FBP1: variants seen among roughly 807,000 people sequenced by gnomAD.
The protein encoded by FBP1 is fructose-bisphosphatase 1, also known as fructose-1,6-bisphosphatase 1.
FBP1 carries 22 observed loss-of-function variants against 29.9 expected under a neutral mutation model. The observed-to-expected ratio is 0.74, with a 90% confidence interval of 0.53 to 1.05. FBP1 has a LOEUF of 1.05. FBP1 is among the 50% of genes least tolerant of loss of function. The probability of loss-of-function intolerance (pLI) is 0.00; values close to 1 mark genes in which losing one functional copy is unlikely to be tolerated. For missense variants in FBP1, 345 were observed against 448.2 expected (o/e 0.77, Z 2.08); for synonymous variants, 175 against 178.6 (o/e 0.98, Z 0.16).
At chr9:94,603,609 A>G (rs781463220) in intron 6 of FBP1, 37 bp from the exon 7 acceptor site, 2 of 1,592,566 alleles carry the variant, frequency 1.3e-6, no homozygotes, top group Non-Finnish European at 1.7e-6. Flanking sequence ...TCCTTGTATC[A>G]GAAGGTATTG....
intron 1 of FBP1, 37 bp downstream of exon 1, chr9:94,639,104 A>C: frequency 6.4e-7 from 1 of 1,565,302 alleles, no homozygotes. Context: ...CCAGGCAGAC[A>C]GACAGGACGG....
intron 1 of FBP1, among the ~76,000 whole-genome samples, chr9:94,630,596 C>T (rs1292273611): frequency 6.6e-6 from 1 of 152,162 alleles, no homozygotes; most frequent in Non-Finnish European, 1.5e-5. Flanking sequence ...GCTTCATAGT[C>T]TACAGAGAGG....
chr9:94,613,189 T>A (rs1827810656), intron 3 of FBP1, among the ~76,000 whole-genome samples: 1 of 152,012 alleles, frequency 6.6e-6, no homozygotes, highest in Non-Finnish European at 1.5e-5. Flanking sequence ...GTAAAGGACA[T>A]TGCAAGTTAG....
intron 1 of FBP1, among the ~76,000 whole-genome samples, chr9:94,627,816 G>A (rs4129220): frequency 0.36 from 55,160 of 152,040 alleles, 10,186 homozygotes; most frequent in Admixed American, 0.42. Context: ...ACCATCACAC[G>A]ACCCTGTCCA....
intron 1 of FBP1, among the ~76,000 whole-genome samples, chr9:94,621,407 A>AT (rs2131491076): frequency 7.0e-6 from 1 of 143,536 alleles, no homozygotes; most frequent in African/African-American, 2.9e-5. Flanking sequence ...AAATATATAT[A>AT]TTTTTAGAAG....
At chr9:94,624,337 CAAAAA>C (rs10717568) in intron 1 of FBP1, among the ~76,000 whole-genome samples, 1 of 90,276 alleles carries the variant, frequency 1.1e-5, no homozygotes, top group Non-Finnish European at 2.2e-5. Flanking sequence ...GACTCCATCT[CAAAAA>C]AAAAAAAAAA....
intron 4 of FBP1, among the ~76,000 whole-genome samples, chr9:94,607,551 T>A (rs1392196827): frequency 6.6e-6 from 1 of 152,088 alleles, no homozygotes; most frequent in Non-Finnish European, 1.5e-5. Context: ...GCGTGTGAAG[T>A]TTTTCTCAGA....
intron 1 of FBP1, among the ~76,000 whole-genome samples, chr9:94,624,618 A>G (rs978898247): frequency 6.6e-6 from 1 of 152,158 alleles, no homozygotes; most frequent in Non-Finnish European, 1.5e-5. Context: ...GCACCATTGC[A>G]CTCCAGCCTG....
rs1827929997 is a variant in FBP1, at chr9:94,620,433, G to A, written c.229C>T (p.Leu77Phe). The change falls in exon 2 of 7, where the codon CTC becomes TTC. Residue 77 changes from leucine to phenylalanine, a missense_variant. Physicochemically the swap from Leu to Phe is conservative, Grantham distance 22 (BLOSUM62 0). Transcript: ENST00000375326. Reference sequence around the variant, plus strand: ...ATGTTCATAACCAGGTCGTTGGAGAGGACGTCCAGCTTCTTAACTTGATCA... The same window carrying A: ...ATGTTCATAACCAGGTCGTTGGAGAAGACGTCCAGCTTCTTAACTTGATCA... ...TGDQVKKLDV[L>F]SNDLVMNMLK... 1 of 1,614,186 alleles carries A rather than the reference G, an allele frequency of 6.2e-7. No homozygotes were observed. Among genetic ancestry groups the A allele is most frequent in the African/African-American group, 1.3e-5 (1 of 75,048 alleles).
intron 3 of FBP1, among the ~76,000 whole-genome samples, chr9:94,614,978 G>T (rs1352470128): frequency 6.6e-6 from 1 of 151,852 alleles, no homozygotes; most frequent in East Asian, 1.9e-4. Flanking sequence ...GTGCGATCTC[G>T]GCTCACTGCA....
At chr9:94,607,088 A>T in intron 4 of FBP1, 136 bp from the exon 5 acceptor site, 1 of 1,019,432 alleles carries the variant, frequency 9.8e-7, no homozygotes, top group South Asian at 1.3e-5. Context: ...TGGGGCCCCG[A>T]GACACCTGCC....
At chr9:94,639,552 T>G, upstream of FBP1, 1 of 589,140 alleles carries the variant, frequency 1.7e-6, no homozygotes, top group Non-Finnish European at 3.0e-6. Context: ...CGGAAACCTT[T>G]AGACGCGGGT....
intron 5 of FBP1, among the ~76,000 whole-genome samples, chr9:94,606,127 C>T (rs1469416085): frequency 2.0e-5 from 3 of 152,092 alleles, no homozygotes; most frequent in Non-Finnish European, 4.4e-5. Context: ...GATCTGAGGC[C>T]TCCTTGAACG....
intron 3 of FBP1, among the ~76,000 whole-genome samples, chr9:94,612,428 T>C (rs1827798693): frequency 6.6e-6 from 1 of 152,132 alleles, no homozygotes; most frequent in Admixed American, 6.6e-5. Context: ...ATTTATACAC[T>C]TCCTCGCACG....
chr9:94,618,455 TAAAAAAAAAAAAAAAAAA>T (rs59806476), intron 2 of FBP1, among the ~76,000 whole-genome samples: 3 of 74,592 alleles, frequency 4.0e-5, no homozygotes, highest in African/African-American at 1.0e-4. Flanking sequence ...ACTCCTTCTG[TAAAAAAAAAAAAAAAAAA>T]AAAAAAAAAA....
chr9:94,631,486 CT>C (rs1828103425), intron 1 of FBP1, among the ~76,000 whole-genome samples: 1 of 152,198 alleles, frequency 6.6e-6, no homozygotes, highest in Non-Finnish European at 1.5e-5. Context: ...CAGCCATGGA[CT>C]TTGTGACACT....
At chr9:94,625,258 G>T (rs1336784474) in intron 1 of FBP1, among the ~76,000 whole-genome samples, 1 of 151,974 alleles carries the variant, frequency 6.6e-6, no homozygotes, top group East Asian at 1.9e-4. Context: ...GTCTCAGATG[G>T]CTCCTACCCT....
At chr9:94,623,577 G>A (rs992857822) in intron 1 of FBP1, among the ~76,000 whole-genome samples, 2 of 152,246 alleles carry the variant, frequency 1.3e-5, no homozygotes, top group Admixed American at 6.5e-5. Context: ...CACTGGACAC[G>A]GATGAGGCAC....
At position 94,610,051 on chromosome 9, in the gene FBP1, T is replaced by A. The variant is rs756620962; in HGVS notation, c.437A>T (p.Asp146Val). The A allele has an allele frequency of 3.7e-6, 6 of 1,614,076 alleles. No homozygotes were observed. Among genetic ancestry groups the A allele is most frequent in the Non-Finnish European group, 5.1e-6 (6 of 1,180,012 alleles). The change falls in exon 4 of 7, where the codon GAT becomes GTT. Residue 146 changes from aspartate to valine, a missense_variant. By Grantham distance (152) the Asp-to-Val change is radical (BLOSUM62 -3). Transcript: ENST00000375326. ...CAGAGCATCCTTCTCAGAAGGCTCATCAGTTGATTTCTAGAGCAAGAAAGA... is the reference window on the plus strand; with the variant it reads ...CAGAGCATCCTTCTCAGAAGGCTCAACAGTTGATTTCTAGAGCAAGAAAGA... Reference protein sequence around the residue: ...IFGIYRKKSTDEPSEKDALQP... With the variant: ...IFGIYRKKSTVEPSEKDALQP...
Sources: allele counts gnomAD v4.1 joint callset (sites outside exome capture counted in the v4.1 genomes callset), GRCh38; gene constraint gnomAD v4.1.1; transcripts MANE v1.5; gene names NCBI Gene and HGNC (gene_info 2026-07-23, HGNC 2026-07-21).